Variants in TBC1D32 observed in about 807,000 individuals in gnomAD.
TBC1D32 encodes protein broad-minded.
Under a neutral mutation model 170.3 loss-of-function variants are expected in TBC1D32, and 151 were observed. That is an observed-to-expected ratio of 0.89 (90% CI 0.78 to 1.01). The LOEUF (loss-of-function observed/expected upper bound fraction) is 1.01, where lower values mean the gene tolerates loss of function less well. Among genes scored for constraint, TBC1D32 ranks in the 50% least tolerant of loss-of-function variants. The probability of loss-of-function intolerance (pLI) is 0.00; values close to 1 mark genes in which losing one functional copy is unlikely to be tolerated. For missense variants in TBC1D32, 1,464 were observed against 1,457.1 expected (o/e 1.00, Z -0.08); for synonymous variants, 498 against 488.0 (o/e 1.02, Z -0.27).
At chr6:121,236,959 A>C (rs977538860) in intron 20 of TBC1D32, 2 of 152,076 alleles carry the variant, frequency 1.3e-5, no homozygotes, top group Non-Finnish European at 2.9e-5. Flanking sequence ...ATAGGCTTCT[A>C]TACTCACTTA....
intron 26 of TBC1D32, among the ~76,000 whole-genome samples, chr6:121,124,670 G>A (rs1582870376): frequency 6.6e-6 from 1 of 151,422 alleles, no homozygotes; most frequent in East Asian, 2.0e-4. Flanking sequence ...TCAAATCTTT[G>A]TTTTTTTGAT....
chr6:121,304,816 G>C lies in TBC1D32; in HGVS notation c.708C>G (p.Phe236Leu), dbSNP rs1807073416. ...GAGAAAGCAAAAATGTCTGTGCACAGAATTTTAAAATCCGGTCCTACGGAA... is the reference window on the plus strand; with the variant it reads ...GAGAAAGCAAAAATGTCTGTGCACACAATTTTAAAATCCGGTCCTACGGAA... Reference protein sequence around the residue: ...DPVFSDRILKFCAQTFLLSPL... With the variant: ...DPVFSDRILKLCAQTFLLSPL... The change falls in exon 6 of 32, where the codon TTC (phenylalanine) becomes TTG (leucine). Residue 236 changes from phenylalanine (F) to leucine (L), a missense_variant. Around this residue, in one of 3 missense-constraint regions of TBC1D32, gnomAD observed 1,363 missense variants for 1,338.1 expected, o/e 1.02. Transcript: ENST00000398212. 6.2e-7 allele frequency: 1 copy of C among 1,610,014 alleles called. No individual in the cohort carries two copies.
intron 24 of TBC1D32, among the ~76,000 whole-genome samples, chr6:121,136,808 T>C (rs574881938): frequency 4.6e-5 from 7 of 152,304 alleles, no homozygotes; most frequent in African/African-American, 1.7e-4. Flanking sequence ...AATTTTATTA[T>C]ATACACATGT....
At chr6:121,173,141 A>G (rs1186905511) in intron 22 of TBC1D32, among the ~76,000 whole-genome samples, 1 of 152,192 alleles carries the variant, frequency 6.6e-6, no homozygotes, top group Non-Finnish European at 1.5e-5. Flanking sequence ...CAATCTAATC[A>G]GCTACCAGCG....
upstream of TBC1D32, chr6:121,334,575 C>T (rs1441251135): frequency 2.2e-6 from 2 of 921,240 alleles, no homozygotes; most frequent in Non-Finnish European, 3.2e-6. Context: ...GTGCCTGCGC[C>T]CTCAGCTGCC....
chr6:121,169,737 C>T (rs1786682152), intron 22 of TBC1D32, among the ~76,000 whole-genome samples: 1 of 152,070 alleles, frequency 6.6e-6, no homozygotes, highest in East Asian at 1.9e-4. Flanking sequence ...AAGTAATATA[C>T]TCCATAATAA....
At chr6:121,107,593 C>G (rs1043847497) in intron 29 of TBC1D32, among the ~76,000 whole-genome samples, 2 of 151,766 alleles carry the variant, frequency 1.3e-5, no homozygotes, top group Admixed American at 6.6e-5. Flanking sequence ...GAATGAGAAA[C>G]AGTATCCATT....
intron 15 of TBC1D32, among the ~76,000 whole-genome samples, chr6:121,277,458 A>G (rs1237448585): frequency 2.2e-5 from 3 of 136,546 alleles, no homozygotes; most frequent in Non-Finnish European, 4.6e-5. Flanking sequence ...ATTGTACTCC[A>G]GCCTGGGCGA....
At chr6:121,234,068 G>GT (rs1165930538) in intron 20 of TBC1D32, among the ~76,000 whole-genome samples, 1 of 152,130 alleles carries the variant, frequency 6.6e-6, no homozygotes, top group Admixed American at 6.6e-5. Context: ...AGGGTTTCTG[G>GT]TGAGAAATCT....
intron 17 of TBC1D32, 26 bp downstream of exon 17, chr6:121,255,302 G>A (rs1644571596): frequency 7.4e-7 from 1 of 1,349,918 alleles, no homozygotes; most frequent in Non-Finnish European, 1.0e-6. Context: ...TATAATAAAT[G>A]CATGACTTTC....
intron 12 of TBC1D32, among the ~76,000 whole-genome samples, chr6:121,290,704 T>C (rs1804698605): frequency 6.6e-6 from 1 of 151,906 alleles, no homozygotes; most frequent in Non-Finnish European, 1.5e-5. Context: ...TGCACACATA[T>C]GTTTATTGCG....
At chr6:121,097,099 AG>A (rs2128182442) in intron 30 of TBC1D32, among the ~76,000 whole-genome samples, 1 of 152,306 alleles carries the variant, frequency 6.6e-6, no homozygotes, top group East Asian at 1.9e-4. Context: ...AAACCCTAGA[AG>A]AAAACCTAGG....
At chr6:121,247,136 C>T (rs1797714600) in intron 17 of TBC1D32, among the ~76,000 whole-genome samples, 1 of 151,988 alleles carries the variant, frequency 6.6e-6, no homozygotes, top group Non-Finnish European at 1.5e-5. Context: ...CAGTAGAAAC[C>T]TTACAAGCCA....
At chr6:121,329,270 G>A (rs535158648) in intron 1 of TBC1D32, among the ~76,000 whole-genome samples, 49 of 151,948 alleles carry the variant, frequency 3.2e-4, no homozygotes, top group Non-Finnish European at 5.1e-4. Flanking sequence ...ATAAAAATAC[G>A]GAGAGGTTAC....
chr6:121,089,003 CTG>C (rs1399385139), intron 31 of TBC1D32, among the ~76,000 whole-genome samples: 3 of 152,064 alleles, frequency 2.0e-5, no homozygotes, highest in African/African-American at 7.2e-5. Flanking sequence ...AGAGATGAAA[CTG>C]TAAATCAACA....
chr6:121,168,484 T>G, intron 22 of TBC1D32, among the ~76,000 whole-genome samples: 1 of 59,544 alleles, frequency 1.7e-5, no homozygotes, highest in South Asian at 8.7e-4. Flanking sequence ...ACACCACATA[T>G]GCTCACTCAT....
At chr6:121,174,409 G>A (rs961839289) in intron 22 of TBC1D32, among the ~76,000 whole-genome samples, 1 of 152,056 alleles carries the variant, frequency 6.6e-6, no homozygotes, top group Non-Finnish European at 1.5e-5. Context: ...ATGTCCCAGA[G>A]TAAACTGAAT....
At chr6:121,329,995 T>C (rs1810997267) in intron 1 of TBC1D32, among the ~76,000 whole-genome samples, 1 of 152,184 alleles carries the variant, frequency 6.6e-6, no homozygotes, top group South Asian at 2.1e-4. Flanking sequence ...TAATTCTTGG[T>C]AATTTTCTCC....
At chr6:121,277,130 T>A (rs1377694147) in intron 15 of TBC1D32, among the ~76,000 whole-genome samples, 1 of 152,192 alleles carries the variant, frequency 6.6e-6, no homozygotes, top group African/African-American at 2.4e-5. Context: ...TGTCACTTTC[T>A]GGGCCATAAA....
Sources: gnomAD v4.1 joint callset for allele counts (sites outside exome capture counted in the v4.1 genomes callset) on GRCh38, gnomAD v4.1.1 for gene constraint, gnomAD v4.1.1 regional missense constraint, MANE v1.5 for transcripts, NCBI Gene and HGNC (gene_info 2026-07-23, HGNC 2026-07-21) for gene names.